The following CAST variants were observed in gnomAD, a reference collection of about 807,000 sequenced individuals.
The protein encoded by CAST is calpastatin.
Under a neutral mutation model 119.6 loss-of-function variants are expected in CAST, and 76 were observed. The ratio of observed to expected loss-of-function variants is 0.64; its 90% confidence interval spans 0.53 to 0.77. The LOEUF (loss-of-function observed/expected upper bound fraction) is 0.77. Among genes scored for constraint, CAST ranks in the 30% least tolerant of loss-of-function variants. CAST has a pLI of 0.00. For missense variants in CAST, 953 were observed against 946.5 expected (o/e 1.01, Z -0.09); for synonymous variants, 319 against 331.6 (o/e 0.96, Z 0.41).
At chr5:96,107,366 T>G in the CAST span, among the ~76,000 whole-genome samples, 3 of 152,198 alleles carry the variant, frequency 2.0e-5, no homozygotes, top group African/African-American at 7.2e-5. Context: ...TGGTGCCAGT[T>G]GTTCCTTTCC....
chr5:96,368,941 G>A, the CAST span, among the ~76,000 whole-genome samples: 1 of 152,010 alleles, frequency 6.6e-6, no homozygotes, highest in Non-Finnish European at 1.5e-5. Flanking sequence ...TGGTATTGCT[G>A]TTGCATGAAA....
At chr5:96,402,323 G>A in the CAST span, among the ~76,000 whole-genome samples, 8 of 152,336 alleles carry the variant, frequency 5.3e-5, no homozygotes, top group South Asian at 1.7e-3. Context: ...GTGGCTCGCA[G>A]CCTCTGAGAG....
chr5:96,127,365 T>C, the CAST span, among the ~76,000 whole-genome samples: 12 of 152,236 alleles, frequency 7.9e-5, no homozygotes, highest in East Asian at 2.3e-3. Context: ...ATCTACCTGA[T>C]AATTCAGACA....
intron 1 of CAST, among the ~76,000 whole-genome samples, chr5:96,672,334 G>C (rs75455039): frequency 6.6e-6 from 1 of 151,800 alleles, no homozygotes; most frequent in African/African-American, 2.4e-5. Context: ...AAATCTGAGC[G>C]GGGGGAATAT....
At chr5:96,650,728 T>TTGTG (rs34230121) in intron 1 of CAST, among the ~76,000 whole-genome samples, 8,931 of 142,080 alleles carry the variant, frequency 0.063, 335 homozygotes, top group African/African-American at 0.11. Flanking sequence ...ACCCACTTAA[T>TTGTG]TGTGTGTGTG....
rs74978713 is a variant in CAST, at chr5:96,599,966, C to CAAAAAAAAA, written c.60+70095_60+70103dup. ...TATCCTGTATTATTGCTTCATTAGG[C>CAAAAAAAAA]AAAAAAAAAAAAAAAAACCCTCAAG... On this transcript the variant is annotated intron_variant, in intron 1 of 11. Coordinates refer to the CAST transcript ENST00000505143. Among the ~76,000 whole-genome samples, 60 of 47,154 alleles carry CAAAAAAAAA rather than the reference C, an allele frequency of 1.3e-3. 1 individual carries two copies. The highest frequency in any genetic ancestry group is 0.012 in the Middle Eastern group (1 of 82). 30.9% of individuals were successfully genotyped at this position (47,154 alleles called of 152,430 possible). A position where few individuals can be genotyped will look rare whatever the true frequency, so the allele number is the denominator to read the frequency against.
chr5:96,408,390 G>A, the CAST span: 2 of 1,127,120 alleles, frequency 1.8e-6, no homozygotes, highest in Non-Finnish European at 2.7e-6. Flanking sequence ...TGTCTTGGGG[G>A]TTAACTGTAC....
chr5:96,282,800 TG>T, the CAST span, among the ~76,000 whole-genome samples: 1 of 152,144 alleles, frequency 6.6e-6, no homozygotes, highest in Non-Finnish European at 1.5e-5. Context: ...TTTCCAACCT[TG>T]GCTGCAACTT....
At chr5:96,665,743 T>TAC (rs745907302) in intron 1 of CAST, among the ~76,000 whole-genome samples, 539 of 130,144 alleles carry the variant, frequency 4.1e-3, no homozygotes, top group African/African-American at 0.011. Context: ...CACACACACA[T>TAC]ACACACACAC....
chr5:96,674,176 A>G (rs1750435068), intron 1 of CAST, among the ~76,000 whole-genome samples: 2 of 152,076 alleles, frequency 1.3e-5, no homozygotes, highest in African/African-American at 2.4e-5. Flanking sequence ...ACCTTTTCCC[A>G]TTTACTAGTT....
chr5:96,235,068 T>C, the CAST span, among the ~76,000 whole-genome samples: 1 of 152,154 alleles, frequency 6.6e-6, no homozygotes, highest in Non-Finnish European at 1.5e-5. Flanking sequence ...AGACAACTAG[T>C]AGTGTCTGCC....
At chr5:96,757,122 A>T (rs1766479860) in intron 22 of CAST, among the ~76,000 whole-genome samples, 1 of 152,168 alleles carries the variant, frequency 6.6e-6, no homozygotes, top group African/African-American at 2.4e-5. Context: ...TGCAAACCCC[A>T]GTCACAGCAC....
the CAST span, among the ~76,000 whole-genome samples, chr5:96,069,039 ATGTG>A: frequency 6.6e-6 from 1 of 151,236 alleles, no homozygotes; most frequent in Non-Finnish European, 1.5e-5. Context: ...ATATGTGTGT[ATGTG>A]TGTGTATGTG....
At chr5:95,995,304 T>C in the CAST span, among the ~76,000 whole-genome samples, 2 of 152,170 alleles carry the variant, frequency 1.3e-5, 1 homozygote, top group South Asian at 4.1e-4. Flanking sequence ...CTGATTTTTA[T>C]ATCCTGACAG....
chr5:96,256,785 A>G, the CAST span, among the ~76,000 whole-genome samples: 1 of 152,008 alleles, frequency 6.6e-6, no homozygotes, highest in African/African-American at 2.4e-5. Context: ...AGTATATACA[A>G]CCTCTTTATT....
At chr5:96,530,976 A>G (rs182532994) in intron 1 of CAST, among the ~76,000 whole-genome samples, 1 of 152,134 alleles carries the variant, frequency 6.6e-6, no homozygotes, top group Admixed American at 6.5e-5. Flanking sequence ...TATTTTGTAT[A>G]CAGATGGGGC....
the CAST span, among the ~76,000 whole-genome samples, chr5:95,989,845 G>A: frequency 6.6e-6 from 1 of 152,140 alleles, no homozygotes; most frequent in African/African-American, 2.4e-5. Context: ...AGAACAGAAA[G>A]TCCTGATTTA....
At chr5:96,468,565 C>T in the CAST span, among the ~76,000 whole-genome samples, 1 of 151,974 alleles carries the variant, frequency 6.6e-6, no homozygotes, top group African/African-American at 2.4e-5. Context: ...CCAGGTAGAG[C>T]CATAAATCAC....
At chr5:96,276,680 T>C in the CAST span, among the ~76,000 whole-genome samples, 1 of 152,202 alleles carries the variant, frequency 6.6e-6, no homozygotes, top group Non-Finnish European at 1.5e-5. Flanking sequence ...TCCACCTCCT[T>C]AGATTTAACA....
Sources: allele counts gnomAD v4.1 joint callset (sites outside exome capture counted in the v4.1 genomes callset), GRCh38; gene constraint gnomAD v4.1.1; transcripts MANE v1.5; gene names NCBI Gene and HGNC (gene_info 2026-07-23, HGNC 2026-07-21).